FAM135B: variants seen among roughly 807,000 people sequenced by gnomAD.
FAM135B encodes family with sequence similarity 135 member B, also known as protein FAM135B.
FAM135B carries 43 observed loss-of-function variants against 127.7 expected under a neutral mutation model. The ratio of observed to expected loss-of-function variants is 0.34; its 90% CI spans 0.26 to 0.43. The LOEUF (loss-of-function observed/expected upper bound fraction) is 0.43, where lower values mean the gene tolerates loss of function less well. FAM135B is among the 20% of genes least tolerant of loss of function. The probability of loss-of-function intolerance (pLI) is 1.00; values close to 1 mark genes in which losing one functional copy is unlikely to be tolerated. For synonymous variants in FAM135B, 670 were observed against 665.1 expected, an observed-to-expected ratio of 1.01 and a Z score of -0.11; for missense variants, 1,558 against 1,725.6, an observed-to-expected ratio of 0.90 and a Z score of 1.72.
chr8:138,246,102 A>C (rs546482911), intron 6 of FAM135B, among the ~76,000 whole-genome samples: 1 of 152,346 alleles, frequency 6.6e-6, no homozygotes, highest in East Asian at 1.9e-4. Flanking sequence ...AGAAATTTCT[A>C]AGCAGCAAAG....
At chr8:138,461,056 T>C (rs1837092538) in intron 1 of FAM135B, among the ~76,000 whole-genome samples, 1 of 152,164 alleles carries the variant, frequency 6.6e-6, no homozygotes, top group South Asian at 2.1e-4. Flanking sequence ...CAGATGCTCA[T>C]TTAAAAAACA....
chr8:138,251,040 G>T (rs148097478), intron 5 of FAM135B, 26 bp from the exon 6 acceptor site: 1 of 1,611,834 alleles, frequency 6.2e-7, no homozygotes, highest in Admixed American at 1.7e-5. Flanking sequence ...GTGAGCTCAC[G>T]TGAGAAATGG....
intron 2 of FAM135B, among the ~76,000 whole-genome samples, chr8:138,367,625 G>T (rs915154553): frequency 3.3e-5 from 5 of 151,968 alleles, no homozygotes; most frequent in African/African-American, 1.2e-4. Context: ...CGTTAAAATT[G>T]ACATATGTAT....
intron 1 of FAM135B, among the ~76,000 whole-genome samples, chr8:138,406,066 G>C (rs1460456441): frequency 1.4e-5 from 2 of 147,296 alleles, no homozygotes; most frequent in Admixed American, 1.4e-4. Flanking sequence ...GGGGTTGTTT[G>C]CTCCTTTCTT....
rs1469780549 is a variant in FAM135B, at chr8:138,151,962, T to C, written c.2513A>G (p.Asn838Ser). Residue 838 changes from asparagine (N) to serine (S), a missense_variant, in exon 13 of 20, where the codon AAC becomes AGC. Coordinates refer to ENST00000395297, the MANE Select transcript of FAM135B (RefSeq NM_015912.4). ...PLVEIVLDAD[N>S]QQGPGYIDIP... ...GTCTATGTATCCGGGGCCCTGCTGG[T>C]TGTCAGCATCTAAAACTATCTCCAC... 1.1e-5 allele frequency: 17 copies of C among 1,614,000 alleles called. No individual in the cohort carries two copies. The highest frequency in any genetic ancestry group is 2.2e-5 in the East Asian group (1 of 44,878).
At chr8:138,343,809 C>T (rs1276613178) in intron 2 of FAM135B, among the ~76,000 whole-genome samples, 4 of 152,178 alleles carry the variant, frequency 2.6e-5, no homozygotes, top group Non-Finnish European at 4.4e-5. Flanking sequence ...ACCTGCATTC[C>T]CTGAGGACTC....
chr8:138,340,331 C>T (rs951022489), intron 2 of FAM135B, among the ~76,000 whole-genome samples: 3 of 152,180 alleles, frequency 2.0e-5, no homozygotes, highest in East Asian at 3.9e-4. Context: ...TCAGGGAGCA[C>T]TCATCTATGC....
Position 138,155,622 on chromosome 8 carries a change from C to CA in FAM135B, c.1259-2407dup, listed in dbSNP as rs980566184. 1.4e-3 allele frequency among the ~76,000 whole-genome samples: 208 copies of CA among 150,964 alleles called. 1 individual carries two copies. The highest frequency in any genetic ancestry group is 4.3e-3 in the African/African-American group (175 of 41,162). ...GAAGATCTACCAAGCAAATGGAAAACAAAAAAAAACAGGGGTTGCAATCCT... is the reference window on the plus strand; with the variant it reads ...GAAGATCTACCAAGCAAATGGAAAACAAAAAAAAAACAGGGGTTGCAATCCT... On this transcript the variant is annotated intron_variant, in intron 12 of 19. Coordinates refer to ENST00000395297, the MANE Select transcript of FAM135B (RefSeq NM_015912.4).
intron 1 of FAM135B, among the ~76,000 whole-genome samples, chr8:138,386,774 G>A (rs556382155): frequency 1.5e-4 from 23 of 152,270 alleles, no homozygotes; most frequent in South Asian, 4.2e-4. Flanking sequence ...TGATGAGACC[G>A]CTGCTTCATT....
chr8:138,466,915 A>G (rs10481405), intron 1 of FAM135B, among the ~76,000 whole-genome samples: 100,381 of 152,006 alleles, frequency 0.66, 34,381 homozygotes, highest in East Asian at 0.99. Flanking sequence ...TTGTGTCATC[A>G]GTGAAATGCT....
At chr8:138,340,019 T>C (rs1828932551) in intron 2 of FAM135B, among the ~76,000 whole-genome samples, 1 of 152,170 alleles carries the variant, frequency 6.6e-6, no homozygotes, top group Non-Finnish European at 1.5e-5. Flanking sequence ...TGGTTCATCA[T>C]CCCGGGATGG....
rs1281797273 is a variant in FAM135B, at chr8:138,131,101, T to TA, written c.*1491dup. 3 of 152,218 alleles carry TA rather than the reference T, an allele frequency of 2.0e-5. No individual in the cohort carries two copies. 9.4% of individuals were successfully genotyped at this position (152,218 alleles called of 1,614,324 possible). A position where few individuals can be genotyped will look rare whatever the true frequency, so the allele number is the denominator to read the frequency against. ...GTCACATTGTTAACATAAGAGGATC[T>TA]AAAATTCTCAAATGAGCTTAGATTT... On this transcript the variant is annotated 3_prime_UTR_variant, in exon 20 of 20. Coordinates refer to ENST00000395297, the MANE Select transcript of FAM135B (RefSeq NM_015912.4).
At chr8:138,333,261 C>T (rs1381690161) in intron 2 of FAM135B, among the ~76,000 whole-genome samples, 2 of 152,166 alleles carry the variant, frequency 1.3e-5, no homozygotes, top group East Asian at 1.9e-4. Flanking sequence ...GTTTGCTCAA[C>T]ACAGTGGCAT....
chr8:138,215,783 C>G (rs1363777684), intron 7 of FAM135B, among the ~76,000 whole-genome samples: 1 of 152,196 alleles, frequency 6.6e-6, no homozygotes, highest in African/African-American at 2.4e-5. Context: ...TCCGCACCCT[C>G]CTCCCACCCA....
At chr8:138,138,958 A>T in intron 18 of FAM135B, 28 bp downstream of exon 18, 1 of 1,373,436 alleles carries the variant, frequency 7.3e-7, no homozygotes, top group Non-Finnish European at 1.0e-6. Flanking sequence ...TCAAACTCAT[A>T]ACTGCAGCTG....
At chr8:138,187,974 T>A (rs1454072909) in intron 9 of FAM135B, among the ~76,000 whole-genome samples, 1 of 152,168 alleles carries the variant, frequency 6.6e-6, no homozygotes, top group African/African-American at 2.4e-5. Context: ...GGGATGGGTC[T>A]TAGAGAGGTT....
At chr8:138,137,403 C>T in intron 18 of FAM135B, 143 bp from the exon 19 acceptor site, 1 of 643,922 alleles carries the variant, frequency 1.6e-6, no homozygotes, top group Non-Finnish European at 2.8e-6. Context: ...CACACAAGGA[C>T]ATTCTGTCCT....
In FAM135B at chr8:138,260,918, C is replaced by T. The variant is rs192099680; in HGVS notation, c.298-4159G>A. ...CTTTGGCGGAGTCTCTGTGGCTCTCCGTGCTGTGTCCTCAACCTTCCTCTC... is the reference window on the plus strand; with the variant it reads ...CTTTGGCGGAGTCTCTGTGGCTCTCTGTGCTGTGTCCTCAACCTTCCTCTC... On this transcript the variant is annotated intron_variant, in intron 4 of 19. Coordinates refer to ENST00000395297, the MANE Select transcript of FAM135B (RefSeq NM_015912.4). 4.6e-5 allele frequency among the ~76,000 whole-genome samples: 7 copies of T among 152,196 alleles called. No homozygotes were observed. The East Asian group carries it at 5.8e-4, about 13-fold the overall frequency.
chr8:138,132,654 AG>A lies in FAM135B; in HGVS notation c.4159del (p.Leu1387TrpfsTer30). 6.2e-7 allele frequency: 1 copy of A among 1,614,196 alleles called. No individual in the cohort carries two copies. Among genetic ancestry groups the A allele is most frequent in the Non-Finnish European group, 8.5e-7 (1 of 1,180,036 alleles). On this transcript the variant is annotated frameshift_variant, in exon 20 of 20. Transcript: ENST00000395297. LOFTEE classifies it high-confidence loss of function. This position sits in a 1 kb window ranked among gnomAD's most constrained non-coding sequence, Gnocchi z 4.5. The stretch of plus-strand genomic sequence containing the variant: ...CTTCTCCAGGAAGAGTTCTGAATCC[AG>A]CACAGCGATGTGAGCGGCTCGGCCG... ...LIGRAAHIAV[L>X]DSELFLEKFF...
Sources: allele counts gnomAD v4.1 joint callset (sites outside exome capture counted in the v4.1 genomes callset), GRCh38; gene constraint gnomAD v4.1.1; non-coding constraint Gnocchi (gnomAD v3.1); transcripts MANE v1.5; gene names NCBI Gene and HGNC (gene_info 2026-07-23, HGNC 2026-07-21).